Variants in SETBP1 observed in about 807,000 individuals in gnomAD.
The protein encoded by SETBP1 is SET-binding protein.
Under a neutral mutation model 101.0 loss-of-function variants are expected in SETBP1, and 9 were observed. The observed-to-expected ratio is 0.09, with a 90% CI of 0.05 to 0.16. The LOEUF (loss-of-function observed/expected upper bound fraction) is 0.16, where lower values mean the gene tolerates loss of function less well. SETBP1 is among the 10% of genes least tolerant of loss of function. SETBP1 has a pLI of 1.00. For synonymous variants in SETBP1, 818 were observed against 788.5 expected (o/e 1.04, Z -0.63); for missense variants, 1,858 against 2,033.8 (o/e 0.91, Z 1.66).
intron 2 of SETBP1, among the ~76,000 whole-genome samples, chr18:44,739,152 C>G (rs79652928): frequency 0.011 from 1,702 of 152,268 alleles, 35 homozygotes; most frequent in African/African-American, 0.038. Flanking sequence ...TTTAAGGACT[C>G]TTGTGAAAAC....
chr18:44,882,187 A>G (rs2069544926), intron 3 of SETBP1, among the ~76,000 whole-genome samples: 1 of 152,158 alleles, frequency 6.6e-6, no homozygotes, highest in Non-Finnish European at 1.5e-5. Flanking sequence ...AAATTTGGAG[A>G]GTATACAGAA....
In SETBP1 at chr18:44,773,836, T is replaced by TTGTGTGTGTGTGTGTG. The variant is rs1280926160; in HGVS notation, c.486+72005_486+72006insGTGTGTGTGTGTGTGT. On this transcript the variant is annotated intron_variant, in intron 2 of 5. Coordinates refer to ENST00000649279, the MANE Select transcript of SETBP1 (RefSeq NM_015559.3). ...TCTCTCTCTCTCTGTCTCTCTCTGT[T>TTGTGTGTGTGTGTGTG]TATGTGTGTGTGTGTGTGTGTGTGT... 8.8e-4 allele frequency among the ~76,000 whole-genome samples: 32 copies of TTGTGTGTGTGTGTGTG among 36,358 alleles called. No individual in the cohort carries two copies. The South Asian group carries it at 0.014, about 16-fold the overall frequency. 23.9% of individuals were successfully genotyped at this position (36,358 alleles called of 152,430 possible).
intron 4 of SETBP1, among the ~76,000 whole-genome samples, chr18:44,980,629 G>A (rs954382806): frequency 6.6e-6 from 1 of 152,304 alleles, no homozygotes; most frequent in Admixed American, 6.5e-5. Context: ...GGAGGTTGAG[G>A]AGCCTTGAAA....
intron 4 of SETBP1, among the ~76,000 whole-genome samples, chr18:45,026,072 A>G (rs1281214897): frequency 6.6e-6 from 1 of 152,206 alleles, no homozygotes; most frequent in East Asian, 1.9e-4. Context: ...TATGTGCTCT[A>G]GAGGTAAAAA....
chr18:44,789,504 A>G (rs550614555), intron 2 of SETBP1, among the ~76,000 whole-genome samples: 16 of 152,366 alleles, frequency 1.1e-4, no homozygotes, highest in Non-Finnish European at 1.9e-4. Flanking sequence ...CTAAGTGATC[A>G]TCCGAGCAGT....
intron 5 of SETBP1, among the ~76,000 whole-genome samples, chr18:45,051,515 T>C (rs1433383831): frequency 6.6e-6 from 1 of 152,146 alleles, no homozygotes; most frequent in Non-Finnish European, 1.5e-5. Flanking sequence ...CAAGGGAATA[T>C]ATGGGAAACC....
intron 2 of SETBP1, among the ~76,000 whole-genome samples, chr18:44,809,986 C>T (rs1193746115): frequency 6.6e-6 from 1 of 152,190 alleles, no homozygotes; most frequent in Non-Finnish European, 1.5e-5. Context: ...GGCAAATTGT[C>T]CTTAGGGCCT....
chr18:44,763,635 C>T (rs16978160), intron 2 of SETBP1, among the ~76,000 whole-genome samples: 12,208 of 152,214 alleles, frequency 0.08, 549 homozygotes, highest in East Asian at 0.14. Flanking sequence ...ACGCTTTCTC[C>T]GGTACTCTTC....
chr18:44,812,705 G>C (rs951438589), intron 2 of SETBP1, among the ~76,000 whole-genome samples: 1 of 151,992 alleles, frequency 6.6e-6, no homozygotes, highest in Non-Finnish European at 1.5e-5. Flanking sequence ...TCATTGTATT[G>C]CTTCCTGCCA....
At chr18:44,755,642 A>G (rs1370614661) in intron 2 of SETBP1, among the ~76,000 whole-genome samples, 1 of 151,950 alleles carries the variant, frequency 6.6e-6, no homozygotes, top group East Asian at 1.9e-4. Context: ...TTGGACTTGG[A>G]CTGAGCCTCT....
chr18:44,941,762 GT>G (rs569097081), intron 3 of SETBP1, among the ~76,000 whole-genome samples: 203 of 145,194 alleles, frequency 1.4e-3, no homozygotes, highest in East Asian at 3.2e-3. Context: ...ACTCCAGTGA[GT>G]TTTTTTTTTT....
intron 5 of SETBP1, among the ~76,000 whole-genome samples, chr18:45,040,836 T>G (rs2073493704): frequency 6.6e-6 from 1 of 152,244 alleles, no homozygotes; most frequent in Non-Finnish European, 1.5e-5. Flanking sequence ...TTGGCAGTAC[T>G]TAAATGAGAC....
At chr18:44,994,493 A>G (rs745323711) in intron 4 of SETBP1, among the ~76,000 whole-genome samples, 17 of 152,354 alleles carry the variant, frequency 1.1e-4, no homozygotes, top group Admixed American at 5.2e-4. Flanking sequence ...GTAAAATTAA[A>G]GATACACATT....
intron 1 of SETBP1, among the ~76,000 whole-genome samples, chr18:44,691,152 C>T (rs1004912491): frequency 1.3e-5 from 2 of 152,108 alleles, no homozygotes; most frequent in Admixed American, 6.6e-5. Flanking sequence ...AACTAAGAGG[C>T]TTTGTAATCA....
intron 2 of SETBP1, among the ~76,000 whole-genome samples, chr18:44,722,143 T>C (rs1350803874): frequency 6.6e-6 from 1 of 152,220 alleles, no homozygotes; most frequent in Non-Finnish European, 1.5e-5. Context: ...TGCGTGGACA[T>C]GCATGTGTGT....
chr18:44,735,924 C>T (rs984520350), intron 2 of SETBP1, among the ~76,000 whole-genome samples: 1 of 152,188 alleles, frequency 6.6e-6, no homozygotes, highest in Non-Finnish European at 1.5e-5. Flanking sequence ...GGAACATATA[C>T]TGCTATCTTC....
chr18:44,841,296 A>C (rs1287700651), intron 2 of SETBP1, among the ~76,000 whole-genome samples: 1 of 152,146 alleles, frequency 6.6e-6, no homozygotes, highest in Non-Finnish European at 1.5e-5. Context: ...TCTTCAGCGC[A>C]TGGACTCTCC....
chr18:44,687,889 C>T (rs907137448), intron 1 of SETBP1, among the ~76,000 whole-genome samples: 21 of 152,114 alleles, frequency 1.4e-4, no homozygotes, highest in African/African-American at 4.6e-4. Flanking sequence ...ACCTGGTCTG[C>T]CCAGCCACAT....
chr18:44,881,653 A>G (rs2069532478), intron 3 of SETBP1, among the ~76,000 whole-genome samples: 1 of 152,184 alleles, frequency 6.6e-6, no homozygotes, highest in South Asian at 2.1e-4. Context: ...GTACATTTGT[A>G]GAGAATCTTT....
Sources: gnomAD v4.1 joint callset for allele counts (sites outside exome capture counted in the v4.1 genomes callset) on GRCh38, gnomAD v4.1.1 for gene constraint, MANE v1.5 for transcripts, NCBI Gene and HGNC (gene_info 2026-07-23, HGNC 2026-07-21) for gene names.